CACNA2D3: variants seen among roughly 807,000 people sequenced by gnomAD.
CACNA2D3 encodes calcium voltage-gated channel auxiliary subunit alpha2delta 3, also known as voltage-dependent calcium channel subunit alpha-2/delta-3.
CACNA2D3 carries 60 observed loss-of-function variants against 160.6 expected under a neutral mutation model. The observed-to-expected ratio is 0.37, with a 90% confidence interval of 0.30 to 0.46. The LOEUF (loss-of-function observed/expected upper bound fraction) is 0.46. Ranked by LOEUF, CACNA2D3 falls within the 20% of genes least tolerant of loss-of-function variation. The pLI is 1.00. For missense variants in CACNA2D3, 1,205 were observed against 1,365.0 expected, an observed-to-expected ratio of 0.88 and a Z score of 1.85; for synonymous variants, 558 against 492.9, an observed-to-expected ratio of 1.13 and a Z score of -1.75.
At chr3:54,655,054 G>A (rs138123636) in intron 11 of CACNA2D3, among the ~76,000 whole-genome samples, 33 of 152,306 alleles carry the variant, frequency 2.2e-4, no homozygotes, top group Admixed American at 7.2e-4. Context: ...CCAATCCAAC[G>A]TGTGCTTGGT....
At chr3:54,812,130 G>A (rs1231222657) in intron 13 of CACNA2D3, among the ~76,000 whole-genome samples, 5 of 152,132 alleles carry the variant, frequency 3.3e-5, no homozygotes, top group South Asian at 2.1e-4. Context: ...CACCTTCCTG[G>A]CAGTAGGATG....
intron 17 of CACNA2D3, among the ~76,000 whole-genome samples, chr3:54,859,972 G>GCGCACACACACACACA (rs535185040): frequency 7.5e-6 from 1 of 133,788 alleles, no homozygotes; most frequent in Admixed American, 7.4e-5. Flanking sequence ...GAAAGTAGAT[G>GCGCACACACACACACA]CACACACACA....
At chr3:54,726,204 G>A (rs1355824630) in intron 11 of CACNA2D3, among the ~76,000 whole-genome samples, 1 of 152,062 alleles carries the variant, frequency 6.6e-6, no homozygotes, top group Admixed American at 6.6e-5. Context: ...CAACTTACAA[G>A]GGATGTGAAG....
At chr3:54,696,110 G>A (rs953327092) in intron 11 of CACNA2D3, among the ~76,000 whole-genome samples, 37 of 152,102 alleles carry the variant, frequency 2.4e-4, no homozygotes, top group African/African-American at 8.9e-4. Context: ...TTCCTGTCTG[G>A]CTTCTAGTAA....
chr3:54,949,756 G>T (rs972504523), intron 27 of CACNA2D3, among the ~76,000 whole-genome samples: 4 of 152,140 alleles, frequency 2.6e-5, no homozygotes, highest in African/African-American at 9.7e-5. Flanking sequence ...AGTGACTGTG[G>T]TCTCTGCCAC....
chr3:54,310,479 GT>G (rs780633572), intron 2 of CACNA2D3, among the ~76,000 whole-genome samples: 2 of 152,078 alleles, frequency 1.3e-5, no homozygotes, highest in Non-Finnish European at 2.9e-5. Context: ...TCTAAAAATT[GT>G]CTTCCCTCTG....
chr3:54,912,043 A>G (rs1043543251), intron 27 of CACNA2D3, among the ~76,000 whole-genome samples: 5 of 152,188 alleles, frequency 3.3e-5, no homozygotes, highest in Non-Finnish European at 4.4e-5. Context: ...TGAAGGCTCA[A>G]CAGAGGAAAT....
At chr3:54,729,397 G>A (rs1701341272) in intron 11 of CACNA2D3, among the ~76,000 whole-genome samples, 1 of 152,106 alleles carries the variant, frequency 6.6e-6, no homozygotes, top group Admixed American at 6.6e-5. Context: ...TCAGTATTAG[G>A]ATTCATCTGA....
chr3:55,018,773 A>G (rs532021996), intron 35 of CACNA2D3, among the ~76,000 whole-genome samples: 3 of 151,612 alleles, frequency 2.0e-5, no homozygotes, highest in Admixed American at 6.6e-5. Context: ...TAATGGCTTT[A>G]TTGGTTATTT....
At chr3:54,507,753 C>T (rs1233588831) in intron 5 of CACNA2D3, among the ~76,000 whole-genome samples, 5 of 152,206 alleles carry the variant, frequency 3.3e-5, no homozygotes, top group Non-Finnish European at 7.3e-5. Flanking sequence ...CAGAGTCACA[C>T]CCAGATCCAA....
chr3:54,464,129 G>A (rs1365129125), intron 4 of CACNA2D3, among the ~76,000 whole-genome samples: 1 of 152,164 alleles, frequency 6.6e-6, no homozygotes, highest in African/African-American at 2.4e-5. Flanking sequence ...CGTTCCTCTG[G>A]AAGTTTTGTC....
chr3:54,717,856 A>G (rs72872259), intron 11 of CACNA2D3, among the ~76,000 whole-genome samples: 30,688 of 117,410 alleles, frequency 0.26, 3,312 homozygotes, highest in African/African-American at 0.31. Flanking sequence ...TGTGTGGTGT[A>G]TGTGCGTGCG....
chr3:54,930,392 C>A (rs1701154466), intron 27 of CACNA2D3, among the ~76,000 whole-genome samples: 3 of 152,174 alleles, frequency 2.0e-5, no homozygotes, highest in Admixed American at 2.0e-4. Context: ...GATTGAAAGG[C>A]ACTCTACTTA....
intron 3 of CACNA2D3, among the ~76,000 whole-genome samples, chr3:54,370,236 T>A (rs1273315008): frequency 6.6e-6 from 1 of 152,248 alleles, no homozygotes; most frequent in Admixed American, 6.5e-5. Context: ...GAGCTAGAAT[T>A]CTGCTAGATG....
intron 11 of CACNA2D3, among the ~76,000 whole-genome samples, chr3:54,672,318 G>T (rs1184356187): frequency 3.9e-5 from 6 of 152,196 alleles, no homozygotes; most frequent in African/African-American, 1.4e-4. Context: ...GGAATGCTGT[G>T]TGTCTCAGAG....
intron 27 of CACNA2D3, among the ~76,000 whole-genome samples, chr3:54,947,345 T>C (rs1036407617): frequency 6.6e-6 from 1 of 152,054 alleles, no homozygotes; most frequent in Non-Finnish European, 1.5e-5. Context: ...AATGCAAACC[T>C]AAGAGACAGA....
intron 12 of CACNA2D3, among the ~76,000 whole-genome samples, chr3:54,756,635 A>G (rs573097597): frequency 1.4e-4 from 22 of 152,246 alleles, no homozygotes; most frequent in African/African-American, 5.1e-4. Flanking sequence ...GAACTAACGC[A>G]CTGGGCCTGA....
chr3:54,493,632 C>T (rs909951022), intron 4 of CACNA2D3, among the ~76,000 whole-genome samples: 1 of 152,172 alleles, frequency 6.6e-6, no homozygotes, highest in East Asian at 1.9e-4. Flanking sequence ...CCTAATCCTC[C>T]AATTTTCAAG....
Position 54,873,381 on chromosome 3 carries a change from G to T in CACNA2D3, c.1710+1759G>T, listed in dbSNP as rs190298805. On this transcript the variant is annotated intron_variant, in intron 18 of 37. Transcript: ENST00000474759. Reference sequence around the variant, plus strand: ...TTCCTCTTCCTTCTTCACTTTATCTGTTGATTTATTTTTTTTGTTGTTTGC... The same window carrying T: ...TTCCTCTTCCTTCTTCACTTTATCTTTTGATTTATTTTTTTTGTTGTTTGC... 3.0e-4 allele frequency among the ~76,000 whole-genome samples: 44 copies of T among 147,250 alleles called. No homozygotes were observed. In the East Asian group the frequency reaches 7.9e-3, roughly 26 times the overall value.
Sources: gnomAD v4.1 joint callset for allele counts (sites outside exome capture counted in the v4.1 genomes callset) on GRCh38, gnomAD v4.1.1 for gene constraint, MANE v1.5 for transcripts, NCBI Gene and HGNC (gene_info 2026-07-23, HGNC 2026-07-21) for gene names.